Variants in SLC22A15 observed in about 807,000 individuals in gnomAD.
SLC22A15 encodes the protein solute carrier family 22 member 15.
A neutral mutation model predicts 62.7 loss-of-function variants in SLC22A15; 45 were observed. The observed-to-expected ratio is 0.72, with a 90% CI of 0.56 to 0.92. The LOEUF (loss-of-function observed/expected upper bound fraction) is 0.92. SLC22A15 is among the 40% of genes least tolerant of loss of function. The pLI is 0.00. For synonymous variants in SLC22A15, 264 were observed against 267.0 expected, an observed-to-expected ratio of 0.99 and a Z score of 0.11; for missense variants, 622 against 665.6, an observed-to-expected ratio of 0.93 and a Z score of 0.72.
intron 2 of SLC22A15, among the ~76,000 whole-genome samples, chr1:116,015,589 A>G (rs1656483067): frequency 6.6e-6 from 1 of 152,166 alleles, no homozygotes; most frequent in African/African-American, 2.4e-5. Flanking sequence ...CCATTTTTTA[A>G]TGATTAAGCA....
intron 8 of SLC22A15, among the ~76,000 whole-genome samples, chr1:116,048,235 C>T (rs1657974574): frequency 6.6e-6 from 1 of 152,120 alleles, no homozygotes; most frequent in East Asian, 1.9e-4. Context: ...ACAAAGAACA[C>T]CTGGGAAGTT....
At chr1:116,049,162 A>C (rs944200644) in intron 8 of SLC22A15, among the ~76,000 whole-genome samples, 1 of 152,248 alleles carries the variant, frequency 6.6e-6, no homozygotes, top group Non-Finnish European at 1.5e-5. Context: ...GGGGACTTTC[A>C]GTACTCCACT....
At chr1:116,004,037 C>G (rs1044541236) in intron 2 of SLC22A15, among the ~76,000 whole-genome samples, 1 of 152,186 alleles carries the variant, frequency 6.6e-6, no homozygotes, top group Non-Finnish European at 1.5e-5. Context: ...AGGCCAGACC[C>G]CTCATTTATC....
intron 7 of SLC22A15, 83 bp from the exon 8 acceptor site, chr1:116,037,220 A>G (rs1570759421): frequency 8.1e-7 from 1 of 1,233,816 alleles, no homozygotes; most frequent in African/African-American, 1.5e-5. Context: ...GAAACTGAAG[A>G]TTTTTAAATA....
At chr1:116,027,130 T>A in intron 5 of SLC22A15, 108 bp downstream of exon 5, 1 of 1,069,152 alleles carries the variant, frequency 9.4e-7, no homozygotes, top group South Asian at 1.4e-5. Context: ...TTGCCTGCAC[T>A]GACTTTGGTG....
At chr1:116,007,979 T>C (rs1416773986) in intron 2 of SLC22A15, among the ~76,000 whole-genome samples, 1 of 152,128 alleles carries the variant, frequency 6.6e-6, no homozygotes, top group Admixed American at 6.5e-5. Context: ...GCCAGCCATT[T>C]GTGGCAGCCC....
At chr1:115,997,368 T>C (rs982323397) in intron 2 of SLC22A15, among the ~76,000 whole-genome samples, 1 of 152,130 alleles carries the variant, frequency 6.6e-6, no homozygotes, top group African/African-American at 2.4e-5. Flanking sequence ...AGAGATAGCA[T>C]TGAATCTGTA....
At chr1:116,018,884 A>G (rs1029592169) in intron 2 of SLC22A15, among the ~76,000 whole-genome samples, 1 of 152,214 alleles carries the variant, frequency 6.6e-6, no homozygotes, top group South Asian at 2.1e-4. Flanking sequence ...TGTATCCTTT[A>G]ACAAATCTCT....
At chr1:116,057,578 A>C (rs1658248216) in intron 8 of SLC22A15, among the ~76,000 whole-genome samples, 1 of 152,222 alleles carries the variant, frequency 6.6e-6, no homozygotes, top group African/African-American at 2.4e-5. Flanking sequence ...AAGGACTATA[A>C]ATCATGCTGC....
chr1:115,999,570 C>G (rs1655611304), intron 2 of SLC22A15, among the ~76,000 whole-genome samples: 1 of 148,588 alleles, frequency 6.7e-6, no homozygotes, highest in Non-Finnish European at 1.5e-5. Flanking sequence ...GTGGCATGAT[C>G]TCAGCTTACT....
chr1:116,027,071 G>C, intron 5 of SLC22A15, 49 bp downstream of exon 5: 2 of 1,568,278 alleles, frequency 1.3e-6, no homozygotes, highest in Non-Finnish European at 1.8e-6. Flanking sequence ...CCAAAGCAAT[G>C]TCTTAAGAGG....
At chr1:116,056,820 T>C (rs2101552921) in intron 8 of SLC22A15, among the ~76,000 whole-genome samples, 1 of 152,324 alleles carries the variant, frequency 6.6e-6, no homozygotes, top group Admixed American at 6.5e-5. Flanking sequence ...ATTCCCTATT[T>C]AATAAATGGT....
At chr1:115,987,894 C>A (rs1654952815) in intron 1 of SLC22A15, among the ~76,000 whole-genome samples, 1 of 152,096 alleles carries the variant, frequency 6.6e-6, no homozygotes, top group East Asian at 1.9e-4. Flanking sequence ...AAAAAATAAA[C>A]ATTGTACTGA....
rs878889378 is a variant in SLC22A15, at chr1:116,019,455, A to G, written c.301-127A>G. The G allele has an allele frequency of 2.2e-5, 19 of 865,952 alleles. 1 individual carries two copies. In the South Asian group the frequency reaches 3.6e-4, roughly 17 times the overall value. 53.6% of individuals were successfully genotyped at this position (865,952 alleles called of 1,614,324 possible). A position where few individuals can be genotyped will look rare whatever the true frequency, so the allele number is the denominator to read the frequency against. ...ACGTTGTCTGAGATAGACAAATTCT[A>G]CTGAATTCTGGTTAATAGTGGATCA... On this transcript the variant is annotated intron_variant, in intron 2 of 11. Coordinates refer to ENST00000369503, the MANE Select transcript of SLC22A15 (RefSeq NM_018420.3).
intron 1 of SLC22A15, among the ~76,000 whole-genome samples, chr1:115,980,889 A>G (rs1382337689): frequency 6.6e-6 from 1 of 152,212 alleles, no homozygotes; most frequent in African/African-American, 2.4e-5. Context: ...TATCTAAGAG[A>G]GAATACTATA....
chr1:116,067,202 T>C lies in SLC22A15; in HGVS notation c.*94T>C. ...ATGACTCCTAAGAGAGTTGTAAAAATAGAGGCTTGGCTTGAATGTACATAG... is the reference window on the plus strand; with the variant it reads ...ATGACTCCTAAGAGAGTTGTAAAAACAGAGGCTTGGCTTGAATGTACATAG... On this transcript the variant is annotated 3_prime_UTR_variant, in exon 12 of 12. Transcript: ENST00000369503. 9.3e-6 allele frequency: 9 copies of C among 963,782 alleles called. No homozygotes were observed. Among genetic ancestry groups the C allele is most frequent in the Non-Finnish European group, 1.3e-5 (8 of 619,624 alleles). 59.7% of individuals were successfully genotyped at this position (963,782 alleles called of 1,614,324 possible). A position where few individuals can be genotyped will look rare whatever the true frequency, so the allele number is the denominator to read the frequency against.
intron 8 of SLC22A15, among the ~76,000 whole-genome samples, chr1:116,060,752 G>A (rs775232019): frequency 1.9e-4 from 29 of 152,148 alleles, no homozygotes; most frequent in Non-Finnish European, 3.7e-4. Context: ...CAAAAGTTGA[G>A]AAACATATCT....
At position 115,991,077 on chromosome 1, in the gene SLC22A15, T is replaced by G. The variant is rs149126909; in HGVS notation, c.88-954T>G. On this transcript the variant is annotated intron_variant, in intron 1 of 11. Transcript: ENST00000369503. Reference sequence around the variant, plus strand: ...TATTTTAAGACATCAAGTTCTAAGTTAATAGGGATAGTTTATTTAGATTGT... The same window carrying G: ...TATTTTAAGACATCAAGTTCTAAGTGAATAGGGATAGTTTATTTAGATTGT... Among the ~76,000 whole-genome samples, 127 of 152,280 alleles carry G rather than the reference T, an allele frequency of 8.3e-4. No homozygotes were observed. In the East Asian group the frequency reaches 0.021, roughly 26 times the overall value.
At chr1:116,059,229 G>A (rs528700924) in intron 8 of SLC22A15, among the ~76,000 whole-genome samples, 29 of 152,250 alleles carry the variant, frequency 1.9e-4, no homozygotes, top group African/African-American at 6.7e-4. Context: ...TACATTGCTA[G>A]TAAAAATACA....
Sources: gnomAD v4.1 joint callset for allele counts (sites outside exome capture counted in the v4.1 genomes callset) on GRCh38, gnomAD v4.1.1 for gene constraint, MANE v1.5 for transcripts, NCBI Gene and HGNC (gene_info 2026-07-23, HGNC 2026-07-21) for gene names.